The following CEP350 variants were observed in gnomAD, a reference collection of about 807,000 sequenced individuals.
The protein encoded by CEP350 is centrosome-associated protein 350.
Under a neutral mutation model 331.8 loss-of-function variants are expected in CEP350, and 126 were observed. The ratio of observed to expected loss-of-function variants is 0.38; its 90% confidence interval spans 0.33 to 0.44. The LOEUF (loss-of-function observed/expected upper bound fraction) is 0.44. Ranked by LOEUF, CEP350 falls within the 20% of genes least tolerant of loss-of-function variation. CEP350 has a pLI of 1.00. For synonymous variants in CEP350, 1,200 were observed against 1,259.5 expected (o/e 0.95, Z 1.00); for missense variants, 3,406 against 3,634.6 (o/e 0.94, Z 1.62).
At chr1:180,049,691 G>A (rs186833027) in intron 22 of CEP350, among the ~76,000 whole-genome samples, 61 of 151,968 alleles carry the variant, frequency 4.0e-4, no homozygotes, top group Admixed American at 1.4e-3. Context: ...TTACAGGCAC[G>A]CACCACAACA....
chr1:180,036,992 C>T lies in CEP350; in HGVS notation c.4013C>T (p.Ala1338Val), dbSNP rs748044494. The change falls in exon 17 of 38, where the codon GCC becomes GTC. Residue 1338 changes from alanine to valine, a missense_variant. Ala to Val is a moderately conservative substitution (Grantham distance 64, BLOSUM62 0). Coordinates refer to ENST00000367607, the MANE Select transcript of CEP350 (RefSeq NM_014810.5). ...RMAAELSYLN[A>V]IEESVRQLSD... is the part of the protein sequence containing the mutation. ...GCAGCAGAACTCAGTTATCTGAACG[C>T]CATTGAGGAGTCGGTGCGCCAACTG... is the stretch of plus-strand genomic sequence containing the variant. 21 of 1,598,814 alleles carry T rather than the reference C, an allele frequency of 1.3e-5. No homozygotes were observed. Among genetic ancestry groups the T allele is most frequent in the Non-Finnish European group, 1.7e-5 (20 of 1,172,484 alleles).
chr1:180,002,146 G>T (rs1395204460), intron 6 of CEP350, among the ~76,000 whole-genome samples: 1 of 152,134 alleles, frequency 6.6e-6, no homozygotes, highest in Non-Finnish European at 1.5e-5. Flanking sequence ...ATACATTGCT[G>T]GTGAGAATGC....
At chr1:180,101,611 T>G (rs1660820913) in intron 37 of CEP350, among the ~76,000 whole-genome samples, 1 of 152,156 alleles carries the variant, frequency 6.6e-6, no homozygotes, top group East Asian at 1.9e-4. Context: ...GTTCTGATAC[T>G]CCCTACCCAG....
chr1:180,012,831 T>C (rs2148802993), intron 9 of CEP350, among the ~76,000 whole-genome samples: 1 of 152,354 alleles, frequency 6.6e-6, no homozygotes, highest in Admixed American at 6.5e-5. Flanking sequence ...TACGCTCATG[T>C]GTATTCCCAG....
intron 1 of CEP350, among the ~76,000 whole-genome samples, chr1:179,966,704 A>G (rs989701868): frequency 4.6e-5 from 7 of 152,202 alleles, no homozygotes; most frequent in African/African-American, 1.7e-4. Context: ...GCCTCTAACT[A>G]GATCCAAGAC....
intron 8 of CEP350, 26 bp from the exon 9 acceptor site, chr1:180,011,903 A>T: frequency 6.6e-7 from 1 of 1,526,698 alleles, no homozygotes; most frequent in Non-Finnish European, 8.9e-7. Flanking sequence ...TTTAAGTTTT[A>T]ATTTCAGTGC....
chr1:180,010,459 T>C (rs1654561595), intron 8 of CEP350, among the ~76,000 whole-genome samples: 1 of 151,162 alleles, frequency 6.6e-6, no homozygotes, highest in Non-Finnish European at 1.5e-5. Flanking sequence ...CAGCAAGTAA[T>C]GTGTAGGCAG....
At position 180,014,520 on chromosome 1, in the gene CEP350, A is replaced by T; in HGVS notation, c.2052+15A>T. On this transcript the variant is annotated intron_variant, in intron 10 of 37. Coordinates refer to ENST00000367607, the MANE Select transcript of CEP350 (RefSeq NM_014810.5). ...AGGAAACACAGGTAATAGTAGTGACATATACAAAGGAGAGTCATTCATGGT... is the reference window on the plus strand; with the variant it reads ...AGGAAACACAGGTAATAGTAGTGACTTATACAAAGGAGAGTCATTCATGGT... The T allele has an allele frequency of 6.4e-7, 1 of 1,570,482 alleles. No individual in the cohort carries two copies. The highest frequency in any genetic ancestry group is 8.6e-7 in the Non-Finnish European group (1 of 1,163,172).
intron 31 of CEP350, among the ~76,000 whole-genome samples, chr1:180,086,622 T>C (rs1659880392): frequency 6.6e-6 from 1 of 152,122 alleles, no homozygotes; most frequent in Non-Finnish European, 1.5e-5. Context: ...ATTTAATAAA[T>C]GGACTGCACT....
In CEP350 at chr1:180,112,953, G is replaced by T. The variant is rs1661531239; in HGVS notation, c.*1792G>T. ...CAAATAAGGAAAGCACTGAAATGTTGTGATTGGGTCTCGGGAAATGCTCAG... is the reference window on the plus strand; with the variant it reads ...CAAATAAGGAAAGCACTGAAATGTTTTGATTGGGTCTCGGGAAATGCTCAG... On this transcript the variant is annotated 3_prime_UTR_variant, in exon 38 of 38. Transcript: ENST00000367607. 1 of 152,596 alleles carries T rather than the reference G, an allele frequency of 6.6e-6. No homozygotes were observed. Among genetic ancestry groups the T allele is most frequent in the South Asian group, 2.1e-4 (1 of 4,832 alleles). 9.5% of individuals were successfully genotyped at this position (152,596 alleles called of 1,614,324 possible).
chr1:180,060,770 A>G (rs992392065), intron 25 of CEP350, among the ~76,000 whole-genome samples: 1 of 152,240 alleles, frequency 6.6e-6, no homozygotes, highest in Non-Finnish European at 1.5e-5. Context: ...ATCAAAAGTG[A>G]TATCTAGTAA....
At chr1:180,072,146 A>G (rs1387358177) in intron 27 of CEP350, among the ~76,000 whole-genome samples, 1 of 152,232 alleles carries the variant, frequency 6.6e-6, no homozygotes, top group African/African-American at 2.4e-5. Flanking sequence ...ATATTTAATA[A>G]GGAACATGTT....
chr1:180,024,768 CA>C (rs1655556381), intron 14 of CEP350, among the ~76,000 whole-genome samples, 186 bp downstream of exon 14: 1 of 151,868 alleles, frequency 6.6e-6, no homozygotes, highest in African/African-American at 2.4e-5. Context: ...TTCCTTAATA[CA>C]AAAGGAATAC....
chr1:179,969,384 G>T (rs1013599187), intron 1 of CEP350: 56 of 514,830 alleles, frequency 1.1e-4, no homozygotes, highest in Non-Finnish European at 7.7e-6. Flanking sequence ...TGGTCTGAGG[G>T]CGTGCGGGTG....
In CEP350 at chr1:180,075,026, C is replaced by T. The variant is rs1186738477; in HGVS notation, c.5572C>T (p.Leu1858=). Residue 1858 remains leucine (L), a synonymous_variant, in exon 28 of 38, where the codon CTG becomes TTG. Coordinates refer to ENST00000367607, the MANE Select transcript of CEP350 (RefSeq NM_014810.5). ...KMRSRMDEKF[L]TKREQKLMQR... ...TTCTTCATGGTGTGACCATAGGTTT[C>T]TGACAAAGCGGGAGCAAAAATTAAT... 1 of 1,609,172 alleles carries T rather than the reference C, an allele frequency of 6.2e-7. No individual in the cohort carries two copies. The highest frequency in any genetic ancestry group is 8.5e-7 in the Non-Finnish European group (1 of 1,177,938).
intron 1 of CEP350, among the ~76,000 whole-genome samples, chr1:179,985,775 C>T (rs1007692625): frequency 1.3e-5 from 2 of 152,028 alleles, no homozygotes; most frequent in African/African-American, 4.8e-5. Flanking sequence ...CCCCCTGATC[C>T]AATTACTTCT....
At chr1:180,091,717 C>T (rs1467774155) in intron 33 of CEP350, among the ~76,000 whole-genome samples, 1 of 151,844 alleles carries the variant, frequency 6.6e-6, no homozygotes, top group Non-Finnish European at 1.5e-5. Context: ...ATAGTCCCAG[C>T]TATTTGCAGG....
In CEP350 at chr1:180,020,482, A is replaced by T. The variant is rs1197798513; in HGVS notation, c.2708A>T (p.His903Leu). The T allele has an allele frequency of 1.2e-6, 2 of 1,611,064 alleles. No individual in the cohort carries two copies. The highest frequency in any genetic ancestry group is 1.7e-6 in the Non-Finnish European group (2 of 1,177,378). ...IQKMLGSCVS[H>L]ATFDDDLPGV... is the part of the protein sequence containing the mutation. Reference sequence around the variant, plus strand: ...AAGATGCTGGGAAGCTGTGTATCTCATGCAACTTTTGATGATGATCTTCCT... The same window carrying T: ...AAGATGCTGGGAAGCTGTGTATCTCTTGCAACTTTTGATGATGATCTTCCT... Residue 903 changes from histidine (H) to leucine (L), a missense_variant, in exon 12 of 38, where the codon CAT becomes CTT. By Grantham distance (99) the His-to-Leu change is moderately conservative (BLOSUM62 -3). Transcript: ENST00000367607.
intron 36 of CEP350, among the ~76,000 whole-genome samples, chr1:180,098,175 G>A (rs966960960): frequency 2.6e-5 from 4 of 152,074 alleles, no homozygotes; most frequent in Non-Finnish European, 4.4e-5. Flanking sequence ...TCTCCATGTT[G>A]GTCAGGCTGG....
Sources: allele counts gnomAD v4.1 joint callset (sites outside exome capture counted in the v4.1 genomes callset), GRCh38; gene constraint gnomAD v4.1.1; transcripts MANE v1.5; gene names NCBI Gene and HGNC (gene_info 2026-07-23, HGNC 2026-07-21).